The following SPOCK2 variants were observed in gnomAD, a reference collection of about 807,000 sequenced individuals.
SPOCK2 encodes SPARC (osteonectin), cwcv and kazal like domains proteoglycan 2, also known as testican-2.
SPOCK2 carries 39 observed loss-of-function variants against 60.1 expected under a neutral mutation model. The ratio of observed to expected loss-of-function variants is 0.65; its 90% confidence interval spans 0.50 to 0.85. The LOEUF (loss-of-function observed/expected upper bound fraction) is 0.85, where lower values mean the gene tolerates loss of function less well. SPOCK2 is among the 40% of genes least tolerant of loss of function. The probability of loss-of-function intolerance (pLI) is 0.00; values close to 1 mark genes in which losing one functional copy is unlikely to be tolerated. For missense variants in SPOCK2, 523 were observed against 567.4 expected, an observed-to-expected ratio of 0.92 and a Z score of 0.80; for synonymous variants, 217 against 231.5, an observed-to-expected ratio of 0.94 and a Z score of 0.57.
At chr10:72,077,182 G>T (rs537372969) in intron 1 of SPOCK2, among the ~76,000 whole-genome samples, 4 of 152,274 alleles carry the variant, frequency 2.6e-5, no homozygotes, top group Non-Finnish European at 5.9e-5. Flanking sequence ...GTGCAGTGGT[G>T]CAATCATAGC....
chr10:72,066,063 T>C (rs1431684601), intron 8 of SPOCK2, among the ~76,000 whole-genome samples: 1 of 152,134 alleles, frequency 6.6e-6, no homozygotes, highest in Non-Finnish European at 1.5e-5. Context: ...GCCACACAGG[T>C]CAGGTGAGCC....
chr10:72,070,523 A>G lies in SPOCK2; in HGVS notation c.360-97T>C, dbSNP rs534902034. 1.5e-5 allele frequency: 17 copies of G among 1,170,500 alleles called. No individual in the cohort carries two copies. The East Asian group carries it at 4.2e-4, about 29-fold the overall frequency. The allele number at this position is 1,170,500 out of a possible 1,614,324, so 72.5% of individuals were successfully genotyped here. Reference sequence around the variant, plus strand: ...AGCAGACCTGTTCCAACAGGAAGGCAGCAGCAATCTTCAGCAGATCAGCCC... The same window carrying G: ...AGCAGACCTGTTCCAACAGGAAGGCGGCAGCAATCTTCAGCAGATCAGCCC... On this transcript the variant is annotated intron_variant, in intron 4 of 10. Coordinates refer to ENST00000373109, the MANE Select transcript of SPOCK2 (RefSeq NM_001244950.2).
In SPOCK2 at chr10:72,088,331, T is replaced by C. The variant is rs1373315929; in HGVS notation, c.-3A>G. The C allele has an allele frequency of 1.3e-6, 2 of 1,554,146 alleles. No individual in the cohort carries two copies. The highest frequency in any genetic ancestry group is 1.7e-6 in the Non-Finnish European group (2 of 1,159,522). ...CGCCCGCAGCCCGGGGCGCGCATCG[T>C]GGTCTGGGTTCGACCTGGGGGGGTC... On this transcript the variant is annotated 5_prime_UTR_variant, in exon 1 of 11. Transcript: ENST00000373109.
chr10:72,072,249 G>T lies in SPOCK2; in HGVS notation c.254C>A (p.Thr85Asn). 6.5e-7 allele frequency: 1 copy of T among 1,537,060 alleles called. No individual in the cohort carries two copies. Among genetic ancestry groups the T allele is most frequent in the Non-Finnish European group, 8.8e-7 (1 of 1,140,776 alleles). ...CACCTTCTGGCAGGGGTCCTTGGTG[G>T]TATCCAGGGCTGCAGGGGCACAGAG... ...DNQQGDEALD[T>N]TKDPCQKVKC... The change falls in exon 4 of 11, where the codon ACC becomes AAC. Residue 85 changes from threonine to asparagine, a missense_variant. Thr to Asn is a moderately conservative substitution (Grantham distance 65, BLOSUM62 0). Coordinates refer to ENST00000373109, the MANE Select transcript of SPOCK2 (RefSeq NM_001244950.2).
chr10:72,062,548 C>T lies in SPOCK2; in HGVS notation c.*212G>A, dbSNP rs1053045680. 4.1e-5 allele frequency: 36 copies of T among 871,718 alleles called. No homozygotes were observed. The highest frequency in any genetic ancestry group is 5.6e-5 in the Non-Finnish European group (33 of 588,526). The allele number at this position is 871,718 out of a possible 1,614,324, so 54.0% of individuals were successfully genotyped here. A position where few individuals can be genotyped will look rare whatever the true frequency, so the allele number is the denominator to read the frequency against. On this transcript the variant is annotated 3_prime_UTR_variant, in exon 11 of 11. Transcript: ENST00000373109. The surrounding 1 kb of genome is among the most constrained non-coding windows in gnomAD (Gnocchi z 4.3). Reference sequence around the variant, plus strand: ...TTTGTCAGCGCATGCCACACACACACACACATACACACATGCATGCACACA... The same window carrying T: ...TTTGTCAGCGCATGCCACACACACATACACATACACACATGCATGCACACA...
chr10:72,063,285 G>A lies in SPOCK2; in HGVS notation c.992-123C>T, dbSNP rs112116830. The A allele has an allele frequency of 1.4e-3, 1,961 of 1,391,082 alleles. 28 individuals are homozygous for A. The African/African-American group carries it at 0.025, about 18-fold the overall frequency. 86.2% of individuals were successfully genotyped at this position (1,391,082 alleles called of 1,614,324 possible). A position where few individuals can be genotyped will look rare whatever the true frequency, so the allele number is the denominator to read the frequency against. The stretch of plus-strand genomic sequence containing the variant: ...TACACCCCCAGAGCCCAGCCAGACC[G>A]GGTGCTGACCCCCCAACAGGCCCAG... On this transcript the variant is annotated intron_variant, in intron 9 of 10. Coordinates refer to ENST00000373109, the MANE Select transcript of SPOCK2 (RefSeq NM_001244950.2).
In SPOCK2 at chr10:72,088,343, G is replaced by C. The variant is rs759588309; in HGVS notation, c.-15C>G. 1 of 1,502,926 alleles carries C rather than the reference G, an allele frequency of 6.7e-7. No individual in the cohort carries two copies. Among genetic ancestry groups the C allele is most frequent in the Non-Finnish European group, 8.8e-7 (1 of 1,141,264 alleles). 93.1% of individuals were successfully genotyped at this position (1,502,926 alleles called of 1,614,324 possible). A position where few individuals can be genotyped will look rare whatever the true frequency, so the allele number is the denominator to read the frequency against. On this transcript the variant is annotated 5_prime_UTR_variant, in exon 1 of 11. Transcript: ENST00000373109. ...GGGGCGCGCATCGTGGTCTGGGTTC[G>C]ACCTGGGGGGGTCTTGACTTCTGCA...
intron 5 of SPOCK2, among the ~76,000 whole-genome samples, chr10:72,069,831 AT>A (rs2131814141): frequency 6.6e-6 from 1 of 152,194 alleles, no homozygotes; most frequent in African/African-American, 2.4e-5. Flanking sequence ...GTGCAAATTC[AT>A]TCTCCCAATC....
rs1332259879 is a variant in SPOCK2, at chr10:72,062,760, C to T, written c.1275G>A (p.Ter425=). Reference sequence around the variant, plus strand: ...CCCGGCAGCCGGCTCCTGAGGGCGTCTACCAGATGTAGCCCCCGTCGTCAG... The same window carrying T: ...CCCGGCAGCCGGCTCCTGAGGGCGTTTACCAGATGTAGCCCCCGTCGTCAG... The part of the protein sequence containing the change: ...GEADDGGYIW[*] Residue 425 remains the stop codon, a stop_retained_variant, in exon 11 of 11, where the codon TAG becomes TAA. Coordinates refer to ENST00000373109, the MANE Select transcript of SPOCK2 (RefSeq NM_001244950.2). The surrounding 1 kb of genome is among the most constrained non-coding windows in gnomAD (Gnocchi z 4.3). The T allele has an allele frequency of 1.2e-6, 2 of 1,601,460 alleles. No homozygotes were observed. Among genetic ancestry groups the T allele is most frequent in the South Asian group, 2.2e-5 (2 of 90,952 alleles).
chr10:72,073,686 ACT>A (rs1360111800), intron 1 of SPOCK2, among the ~76,000 whole-genome samples: 1 of 151,496 alleles, frequency 6.6e-6, no homozygotes, highest in Non-Finnish European at 1.5e-5. Context: ...GCTACAACAC[ACT>A]CTCTGAGGCC....
intron 1 of SPOCK2, among the ~76,000 whole-genome samples, chr10:72,081,793 T>C (rs367672560): frequency 6.6e-6 from 1 of 152,052 alleles, no homozygotes; most frequent in Non-Finnish European, 1.5e-5. Flanking sequence ...GAGGAAGAGA[T>C]CTCCCCAAAT....
At chr10:72,080,479 CAGAAGGACTCAGAAA>C (rs1840768275) in intron 1 of SPOCK2, among the ~76,000 whole-genome samples, 1 of 152,162 alleles carries the variant, frequency 6.6e-6, no homozygotes, top group Non-Finnish European at 1.5e-5. Flanking sequence ...AGGGCACAGA[CAGAAGGACTCAGAAA>C]AGAGCAAGGT....
rs576411679 is a variant in SPOCK2 at position 72,076,260 on chromosome 10, T to C, written c.190-3350A>G. ...ACTCAAGGACACACTGAGGGGTCCC[T>C]GAGGCCAGGTGTGGGCTGGCGCCAC... On this transcript the variant is annotated intron_variant, in intron 1 of 10. Coordinates refer to ENST00000373109, the MANE Select transcript of SPOCK2 (RefSeq NM_001244950.2). Among the ~76,000 whole-genome samples, 3 of 152,296 alleles carry C rather than the reference T, an allele frequency of 2.0e-5. No individual in the cohort carries two copies. The South Asian group carries it at 6.2e-4, about 32-fold the overall frequency.
chr10:72,063,723 T>C (rs1589116923), intron 9 of SPOCK2, among the ~76,000 whole-genome samples: 1 of 152,352 alleles, frequency 6.6e-6, no homozygotes, highest in South Asian at 2.1e-4. Flanking sequence ...TAAAGGGTTA[T>C]GAGGCCAGGG....
intron 5 of SPOCK2, 119 bp from the exon 6 acceptor site, chr10:72,068,420 T>C (rs1475530568): frequency 9.5e-6 from 10 of 1,052,242 alleles, no homozygotes; most frequent in Non-Finnish European, 1.2e-5. Flanking sequence ...GGAGTGCCCA[T>C]GAACAGCCTG....
rs964349699 is a variant in SPOCK2 at position 72,062,522 on chromosome 10, A to G, written c.*238T>C. ...CAGGAGCAGTGTGGATCAAGGACACATTTGTCAGCGCATGCCACACACACA... is the reference window on the plus strand; with the variant it reads ...CAGGAGCAGTGTGGATCAAGGACACGTTTGTCAGCGCATGCCACACACACA... On this transcript the variant is annotated 3_prime_UTR_variant, in exon 11 of 11. Coordinates refer to ENST00000373109, the MANE Select transcript of SPOCK2 (RefSeq NM_001244950.2). This position sits in a 1 kb window ranked among gnomAD's most constrained non-coding sequence, Gnocchi z 4.3. The G allele has an allele frequency of 1.0e-5, 7 of 674,364 alleles. No homozygotes were observed. The highest frequency in any genetic ancestry group is 3.7e-5 in the African/African-American group (2 of 53,988). 41.8% of individuals were successfully genotyped at this position (674,364 alleles called of 1,614,324 possible).
chr10:72,082,291 A>G (rs1252295872), intron 1 of SPOCK2, among the ~76,000 whole-genome samples: 1 of 152,212 alleles, frequency 6.6e-6, no homozygotes, highest in Non-Finnish European at 1.5e-5. Context: ...CTGCACACTG[A>G]GGCTGGGCAC....
chr10:72,071,585 C>T (rs1332009036), intron 4 of SPOCK2, among the ~76,000 whole-genome samples: 1 of 152,226 alleles, frequency 6.6e-6, no homozygotes, highest in African/African-American at 2.4e-5. Context: ...GAAGTCACTG[C>T]ATGTCAGAGC....
In SPOCK2 at chr10:72,087,230, C is replaced by T. The variant is rs905931989; in HGVS notation, c.189+910G>A. Among the ~76,000 whole-genome samples, 1 of 151,928 alleles carries T rather than the reference C, an allele frequency of 6.6e-6. No individual in the cohort carries two copies. The highest frequency in any genetic ancestry group is 2.4e-5 in the African/African-American group (1 of 41,366). On this transcript the variant is annotated intron_variant, in intron 1 of 10. Transcript: ENST00000373109. This position sits in a 1 kb window ranked among gnomAD's most constrained non-coding sequence, Gnocchi z 4.7. ...GAGGAAGGAGCCAGCCCCGCCGGGCCGCCGCCTGCGACTTCCCCTCTGATC... is the reference window on the plus strand; with the variant it reads ...GAGGAAGGAGCCAGCCCCGCCGGGCTGCCGCCTGCGACTTCCCCTCTGATC...
Sources: gnomAD v4.1 joint callset for allele counts (sites outside exome capture counted in the v4.1 genomes callset) on GRCh38, gnomAD v4.1.1 for gene constraint, Gnocchi (gnomAD v3.1) non-coding constraint, MANE v1.5 for transcripts, NCBI Gene and HGNC (gene_info 2026-07-23, HGNC 2026-07-21) for gene names.